Variants in FAT3 observed in about 807,000 individuals in gnomAD.
FAT3 encodes the protein FAT atypical cadherin 3, also known as protocadherin Fat 3.
A neutral mutation model predicts 310.2 loss-of-function variants in FAT3; 95 were observed. The ratio of observed to expected loss-of-function variants is 0.31; its 90% CI spans 0.26 to 0.36. FAT3 has a LOEUF of 0.36. Among genes scored for constraint, FAT3 ranks in the 10% least tolerant of loss-of-function variants. FAT3 has a pLI of 1.00. For missense variants in FAT3, 5,408 were observed against 5,715.6 expected (o/e 0.95, Z 1.74); for synonymous variants, 2,314 against 2,192.9 (o/e 1.06, Z -1.54).
At chr11:92,789,350 C>T (rs1946978745) in intron 7 of FAT3, among the ~76,000 whole-genome samples, 1 of 152,080 alleles carries the variant, frequency 6.6e-6, no homozygotes, top group South Asian at 2.1e-4. Flanking sequence ...ATTTACGTAA[C>T]AAAATGCTTT....
At chr11:92,559,393 T>TTC in intron 3 of FAT3, 1 of 196,380 alleles carries the variant, frequency 5.1e-6, no homozygotes, top group Non-Finnish European at 1.1e-5. Flanking sequence ...CTTTTTTTTT[T>TTC]TTTTTTTTTG....
intron 3 of FAT3, among the ~76,000 whole-genome samples, chr11:92,595,178 C>G (rs754634070): frequency 6.6e-5 from 10 of 152,070 alleles, no homozygotes; most frequent in Non-Finnish European, 1.2e-4. Context: ...TGATGTGAGC[C>G]TCTCAGCTGA....
At chr11:92,339,248 C>T (rs1316983986) in intron 1 of FAT3, among the ~76,000 whole-genome samples, 2 of 152,156 alleles carry the variant, frequency 1.3e-5, no homozygotes, top group Non-Finnish European at 2.9e-5. Flanking sequence ...ATGCCTGCAG[C>T]ATCATTCTCA....
chr11:92,495,519 T>C (rs1412411804), intron 2 of FAT3, among the ~76,000 whole-genome samples: 2 of 152,102 alleles, frequency 1.3e-5, no homozygotes, highest in African/African-American at 4.8e-5. Context: ...ATCTCTAGTT[T>C]GCTGGTGTGG....
At chr11:92,638,944 T>A (rs1330704940) in intron 3 of FAT3, among the ~76,000 whole-genome samples, 1 of 152,216 alleles carries the variant, frequency 6.6e-6, no homozygotes, top group Non-Finnish European at 1.5e-5. Flanking sequence ...ATATAAGCCA[T>A]GTCTGACTAA....
intron 4 of FAT3, among the ~76,000 whole-genome samples, chr11:92,716,050 A>T (rs1287921357): frequency 2.6e-5 from 4 of 152,192 alleles, no homozygotes; most frequent in Non-Finnish European, 4.4e-5. Context: ...AAGACAGTTT[A>T]TCTGGGAAAA....
intron 1 of FAT3, among the ~76,000 whole-genome samples, chr11:92,229,435 A>T (rs1177660432): frequency 7.0e-6 from 1 of 141,988 alleles, no homozygotes; most frequent in East Asian, 2.0e-4. Flanking sequence ...ATTGCAGGGT[A>T]TCTACTCCTT....
chr11:92,846,212 C>T (rs548716033), intron 19 of FAT3, among the ~76,000 whole-genome samples: 8 of 152,212 alleles, frequency 5.3e-5, no homozygotes, highest in Admixed American at 3.3e-4. Flanking sequence ...ACAGGGTAGA[C>T]CCTGAAGACG....
At chr11:92,578,884 A>C (rs1330514875) in intron 3 of FAT3, among the ~76,000 whole-genome samples, 1 of 152,264 alleles carries the variant, frequency 6.6e-6, no homozygotes. Flanking sequence ...TCATAAAAAA[A>C]ATGCTGGAAA....
chr11:92,799,180 C>T lies in FAT3; in HGVS notation c.6167C>T (p.Ala2056Val). 1 of 1,613,930 alleles carries T rather than the reference C, an allele frequency of 6.2e-7. No individual in the cohort carries two copies. Among genetic ancestry groups the T allele is most frequent in the Non-Finnish European group, 8.5e-7 (1 of 1,179,864 alleles). The change falls in exon 10 of 28, where the codon GCC becomes GTC. Residue 2056 changes from alanine to valine, a missense_variant. Transcript: ENST00000525166. ...GAGTTATATGAGCTGGTGGTAGAAG[C>T]CAGCCGTGAGCTGGACCATCTGCGT... The part of the protein sequence containing the change: ...EQELYELVVE[A>V]SRELDHLRVA...
intron 10 of FAT3, among the ~76,000 whole-genome samples, chr11:92,802,976 G>A (rs1591756529): frequency 2.0e-5 from 3 of 152,062 alleles, no homozygotes; most frequent in Admixed American, 2.0e-4. Flanking sequence ...TCATGGGACT[G>A]TTCTCTTGGT....
At chr11:92,263,790 A>C (rs746810037) in intron 1 of FAT3, among the ~76,000 whole-genome samples, 17 of 151,932 alleles carry the variant, frequency 1.1e-4, no homozygotes, top group Non-Finnish European at 1.9e-4. Context: ...GTTGCTTTTA[A>C]TTTTCTCCCT....
intron 1 of FAT3, among the ~76,000 whole-genome samples, chr11:92,237,790 T>C (rs1312752516): frequency 6.6e-6 from 1 of 152,068 alleles, no homozygotes; most frequent in Non-Finnish European, 1.5e-5. Context: ...AGATTTTGGA[T>C]GGTAGAATAA....
At chr11:92,543,667 G>C (rs530145559) in intron 3 of FAT3, among the ~76,000 whole-genome samples, 2 of 152,194 alleles carry the variant, frequency 1.3e-5, no homozygotes, top group Non-Finnish European at 2.9e-5. Context: ...TGCACTGTAT[G>C]CCTTATGGGT....
At chr11:92,786,802 C>A (rs978818119) in intron 7 of FAT3, among the ~76,000 whole-genome samples, 6 of 152,136 alleles carry the variant, frequency 3.9e-5, no homozygotes, top group Non-Finnish European at 8.8e-5. Flanking sequence ...GGGCACAAGG[C>A]TCTTCCTTGC....
At chr11:92,542,135 A>G (rs1954467754) in intron 3 of FAT3, among the ~76,000 whole-genome samples, 1 of 152,120 alleles carries the variant, frequency 6.6e-6, no homozygotes, top group Non-Finnish European at 1.5e-5. Context: ...GAATATCCAC[A>G]TGCAAAAGAA....
chr11:92,761,325 G>A (rs915620646), intron 4 of FAT3, among the ~76,000 whole-genome samples: 1 of 152,192 alleles, frequency 6.6e-6, no homozygotes, highest in African/African-American at 2.4e-5. Flanking sequence ...TCCCATTCAT[G>A]AGGGTTTGAT....
chr11:92,836,023 C>T (rs1428719071), intron 15 of FAT3, among the ~76,000 whole-genome samples: 1 of 152,138 alleles, frequency 6.6e-6, no homozygotes, highest in Non-Finnish European at 1.5e-5. Flanking sequence ...ATTTCTTATA[C>T]ATCAGAAGTG....
intron 3 of FAT3, among the ~76,000 whole-genome samples, chr11:92,568,295 G>A (rs1344149058): frequency 2.6e-5 from 4 of 152,084 alleles, no homozygotes; most frequent in Non-Finnish European, 4.4e-5. Context: ...GTATTAATAT[G>A]CATATTAACA....
Sources: gnomAD v4.1 joint callset for allele counts (sites outside exome capture counted in the v4.1 genomes callset) on GRCh38, gnomAD v4.1.1 for gene constraint, MANE v1.5 for transcripts, NCBI Gene and HGNC (gene_info 2026-07-23, HGNC 2026-07-21) for gene names.